The following LIPA variants were observed in gnomAD, a reference collection of about 807,000 sequenced individuals.
The protein encoded by LIPA is lipase A, lysosomal acid type.
A neutral mutation model predicts 40.6 loss-of-function variants in LIPA; 26 were observed. That is an observed-to-expected ratio of 0.64 (90% CI 0.47 to 0.89). The LOEUF (loss-of-function observed/expected upper bound fraction) is 0.89, where lower values mean the gene tolerates loss of function less well. Ranked by LOEUF, LIPA falls within the 40% of genes least tolerant of loss-of-function variation. The probability of loss-of-function intolerance (pLI) is 0.00; values close to 1 mark genes in which losing one functional copy is unlikely to be tolerated. For missense variants in LIPA, 455 were observed against 479.6 expected, an observed-to-expected ratio of 0.95 and a Z score of 0.48; for synonymous variants, 188 against 168.4, an observed-to-expected ratio of 1.12 and a Z score of -0.90.
chr10:89,382,930 C>T (rs1844174013), intron 2 of LIPA, among the ~76,000 whole-genome samples: 1 of 152,222 alleles, frequency 6.6e-6, no homozygotes, highest in Non-Finnish European at 1.5e-5. Context: ...AAGGAACCCA[C>T]CTTTCTGTGA....
chr10:89,400,861 C>T (rs1844410937), intron 2 of LIPA, among the ~76,000 whole-genome samples: 1 of 152,044 alleles, frequency 6.6e-6, no homozygotes, highest in African/African-American at 2.4e-5. Flanking sequence ...AAAGCTTTCC[C>T]TTTTTCACCA....
chr10:89,239,708 G>A (rs1161969870), intron 3 of LIPA, among the ~76,000 whole-genome samples: 1 of 152,202 alleles, frequency 6.6e-6, no homozygotes, highest in Non-Finnish European at 1.5e-5. Context: ...CTTGTTCACT[G>A]CAGAACGTTC....
chr10:89,363,567 G>C (rs1164655566), intron 2 of LIPA: 4 of 152,190 alleles, frequency 2.6e-5, no homozygotes, highest in Admixed American at 2.0e-4. Context: ...CACAAGGTGA[G>C]GAGATGGAGA....
intron 8 of LIPA, among the ~76,000 whole-genome samples, chr10:89,218,191 A>T (rs369513393): frequency 1.4e-4 from 22 of 152,356 alleles, no homozygotes; most frequent in African/African-American, 5.3e-4. Context: ...AACGGGTTCA[A>T]CTTTTCTAAA....
rs73357741 is a variant in LIPA at position 89,223,607 on chromosome 10, T to C, written c.822+77A>G. 1.6e-4 allele frequency: 186 copies of C among 1,183,608 alleles called. No individual in the cohort carries two copies. In the African/African-American group the frequency reaches 2.5e-3, roughly 16 times the overall value. 73.3% of individuals were successfully genotyped at this position (1,183,608 alleles called of 1,614,324 possible). On this transcript the variant is annotated intron_variant, in intron 7 of 9. Transcript: ENST00000336233. ...GAGTTCTGATGAGGTCATTCCCACC[T>C]CTCCCATATCATTCAACACAAATAA...
intron 3 of LIPA, among the ~76,000 whole-genome samples, chr10:89,241,926 G>A (rs961793093): frequency 3.9e-5 from 6 of 152,150 alleles, no homozygotes; most frequent in Admixed American, 6.5e-5. Flanking sequence ...GTCAGGACAT[G>A]ACCCTCTGCC....
intron 1 of LIPA, among the ~76,000 whole-genome samples, chr10:89,248,623 C>G (rs1457723778): frequency 6.7e-6 from 1 of 150,146 alleles, no homozygotes; most frequent in Non-Finnish European, 1.5e-5. Context: ...TACAGGCGCC[C>G]GCCACCACGC....
chr10:89,337,655 T>C (rs368381166), intron 1 of LIPA, among the ~76,000 whole-genome samples: 3 of 152,350 alleles, frequency 2.0e-5, no homozygotes, highest in African/African-American at 2.4e-5. Flanking sequence ...CGCCTTGGCC[T>C]CCCAAAGTGC....
At chr10:89,238,846 T>C (rs184869283) in intron 3 of LIPA, among the ~76,000 whole-genome samples, 9 of 152,226 alleles carry the variant, frequency 5.9e-5, no homozygotes, top group African/African-American at 1.9e-4. Context: ...TGGTCAACAG[T>C]AGGCTATTAG....
chr10:89,384,098 G>T lies in LIPA; in HGVS notation c.61+28693C>A, dbSNP rs199669012. 5.2e-5 allele frequency: 84 copies of T among 1,614,020 alleles called. No individual in the cohort carries two copies. The highest frequency in any genetic ancestry group is 6.4e-5 in the Non-Finnish European group (75 of 1,180,044). ...TTTCAATATGCAGCCAAGTTTTATC[G>T]AAGAAAAGGGTCTGTGGATAAAGCT... On this transcript the variant is annotated intron_variant, in intron 2 of 8. Coordinates refer to the LIPA transcript ENST00000371837.
intron 6 of LIPA, 35 bp downstream of exon 6, chr10:89,225,057 C>T (rs1050765445): frequency 3.7e-6 from 6 of 1,610,398 alleles, no homozygotes; most frequent in African/African-American, 2.7e-5. Flanking sequence ...AGGAAATCTG[C>T]GGGGAGAGGA....
intron 8 of LIPA, among the ~76,000 whole-genome samples, chr10:89,219,822 C>A (rs780549211): frequency 7.2e-5 from 11 of 152,366 alleles, no homozygotes; most frequent in South Asian, 6.2e-4. Context: ...ATTTTACTGA[C>A]AAAAGATGGT....
Position 89,228,377 on chromosome 10 carries a change from AG to A in LIPA, c.250del (p.Leu84CysfsTer77). On this transcript the variant is annotated frameshift_variant, in exon 4 of 10. Coordinates refer to ENST00000336233, the MANE Select transcript of LIPA (RefSeq NM_000235.4). LOFTEE classifies it high-confidence loss of function. ...SDKGPKPVVFLQHGLLADSSN... is the reference protein window; with the variant it reads ...SDKGPKPVVFXQHGLLADSSN... ...AGAATCTGCCAGCAAGCCATGTTGC[AG>A]GAAGACAACTGGTTTGGGACCTGAA... 1 of 1,614,238 alleles carries A rather than the reference AG, an allele frequency of 6.2e-7. No homozygotes were observed. The highest frequency in any genetic ancestry group is 8.5e-7 in the Non-Finnish European group (1 of 1,180,030).
rs76478114 is a variant in LIPA, at chr10:89,322,331, C to T, written c.-2+20280G>A. ...GGCTAGTGAGCATTGACCCTGCAGG[C>T]CAATCATCTGAGAAATCATGTCAGG... On this transcript the variant is annotated intron_variant, in intron 1 of 5. Coordinates refer to the LIPA transcript ENST00000282673. 4.9e-3 allele frequency among the ~76,000 whole-genome samples: 748 copies of T among 152,222 alleles called. 3 individuals carry two copies. The highest frequency in any genetic ancestry group is 6.8e-3 in the Non-Finnish European group (460 of 68,006).
chr10:89,304,751 A>C (rs6586180), intron 1 of LIPA, among the ~76,000 whole-genome samples: 63,994 of 151,858 alleles, frequency 0.42, 17,507 homozygotes, highest in African/African-American at 0.79. Context: ...TGGGTTTTTT[A>C]GGGGTTTTTT....
chr10:89,236,858 A>T (rs1156260413), intron 3 of LIPA, among the ~76,000 whole-genome samples: 1 of 152,270 alleles, frequency 6.6e-6, no homozygotes, highest in Non-Finnish European at 1.5e-5. Flanking sequence ...TCTAAGATTC[A>T]AGAAAAAGCA....
chr10:89,332,797 A>G (rs1447853564), intron 1 of LIPA, among the ~76,000 whole-genome samples: 1 of 152,192 alleles, frequency 6.6e-6, no homozygotes, highest in Non-Finnish European at 1.5e-5. Flanking sequence ...TGTGATGTAT[A>G]GAGTTAGGCA....
At chr10:89,281,213 T>G (rs1843312485) in intron 1 of LIPA, among the ~76,000 whole-genome samples, 1 of 152,200 alleles carries the variant, frequency 6.6e-6, no homozygotes, top group South Asian at 2.1e-4. Context: ...TCCTTCTCCT[T>G]CAGAGACCAG....
intron 3 of LIPA, among the ~76,000 whole-genome samples, chr10:89,234,174 A>G (rs76295946): frequency 0.031 from 4,661 of 152,332 alleles, 247 homozygotes; most frequent in African/African-American, 0.1. Context: ...CAGATGAATA[A>G]AGAGCTGACA....
Sources: allele counts gnomAD v4.1 joint callset (sites outside exome capture counted in the v4.1 genomes callset), GRCh38; gene constraint gnomAD v4.1.1; transcripts MANE v1.5; gene names NCBI Gene and HGNC (gene_info 2026-07-23, HGNC 2026-07-21).